The following ARHGEF17 variants were observed in gnomAD, a reference collection of about 807,000 sequenced individuals.
ARHGEF17 encodes Rho guanine nucleotide exchange factor 17.
A neutral mutation model predicts 174.0 loss-of-function variants in ARHGEF17; 80 were observed. The observed-to-expected ratio is 0.46, with a 90% CI of 0.38 to 0.55. The LOEUF (loss-of-function observed/expected upper bound fraction) is 0.55, where lower values mean the gene tolerates loss of function less well. ARHGEF17 is among the 20% of genes least tolerant of loss of function. The pLI is 0.00. For synonymous variants in ARHGEF17, 1,311 were observed against 1,189.1 expected (o/e 1.10, Z -2.11); for missense variants, 2,886 against 2,839.7 (o/e 1.02, Z -0.37).
At chr11:73,349,341 G>A (rs930673781) in intron 2 of ARHGEF17, among the ~76,000 whole-genome samples, 1 of 152,124 alleles carries the variant, frequency 6.6e-6, no homozygotes, top group Non-Finnish European at 1.5e-5. Flanking sequence ...TGAGCCAGGC[G>A]CGGAGGCTCA....
At chr11:73,355,085 G>A (rs959464390) in intron 3 of ARHGEF17, among the ~76,000 whole-genome samples, 2 of 152,250 alleles carry the variant, frequency 1.3e-5, no homozygotes, top group Non-Finnish European at 2.9e-5. Flanking sequence ...GGCGGGGCGA[G>A]ATTTGGATGA....
intron 1 of ARHGEF17, among the ~76,000 whole-genome samples, chr11:73,316,267 A>G (rs1008682177): frequency 6.6e-6 from 1 of 152,212 alleles, no homozygotes; most frequent in Non-Finnish European, 1.5e-5. Flanking sequence ...TTGATAGGGT[A>G]ATGCATTCAT....
chr11:73,328,146 A>T (rs1187051396), intron 1 of ARHGEF17, among the ~76,000 whole-genome samples: 1 of 152,130 alleles, frequency 6.6e-6, no homozygotes, highest in Non-Finnish European at 1.5e-5. Flanking sequence ...AGCCCCAGGG[A>T]TGGAGAGAAG....
intron 20 of ARHGEF17, among the ~76,000 whole-genome samples, chr11:73,366,352 T>A (rs1238198350): frequency 2.0e-5 from 3 of 152,216 alleles, no homozygotes; most frequent in Non-Finnish European, 2.9e-5. Flanking sequence ...CAGGAAGTGA[T>A]GCACAGAGCA....
rs771112527 is a variant in ARHGEF17, at chr11:73,310,708, C to T, written c.2070C>T (p.Gly690=). 2.4e-5 allele frequency: 38 copies of T among 1,613,152 alleles called. No individual in the cohort carries two copies. In the East Asian group the frequency reaches 3.6e-4, roughly 15 times the overall value. Residue 690 remains glycine (G), a synonymous_variant, in exon 1 of 21, where the codon GGC becomes GGT. Transcript: ENST00000263674. ...GCCCTGGGACTGAGGACAGTCTGGG[C>T]GGGTGGGCCCTGGTGTCGCCTGAGA... ...HHGPGTEDSL[G]GWALVSPETP...
intron 1 of ARHGEF17, among the ~76,000 whole-genome samples, chr11:73,333,079 CTTT>C (rs1337397451): frequency 1.3e-5 from 2 of 152,214 alleles, no homozygotes; most frequent in Non-Finnish European, 2.9e-5. Context: ...CTGAGCCTTG[CTTT>C]ACCCACGGAA....
At chr11:73,335,420 T>C (rs1395006165) in intron 1 of ARHGEF17, among the ~76,000 whole-genome samples, 1 of 152,168 alleles carries the variant, frequency 6.6e-6, no homozygotes, top group African/African-American at 2.4e-5. Flanking sequence ...ATCCATCTAC[T>C]TCTCAAGCCC....
intron 1 of ARHGEF17, among the ~76,000 whole-genome samples, chr11:73,314,079 C>T (rs1294406003): frequency 6.6e-6 from 1 of 152,192 alleles, no homozygotes; most frequent in African/African-American, 2.4e-5. Flanking sequence ...TGGAAGTTCT[C>T]CCATCTGCTA....
chr11:73,339,250 G>T (rs555877579), intron 1 of ARHGEF17, among the ~76,000 whole-genome samples: 2 of 152,262 alleles, frequency 1.3e-5, no homozygotes, highest in East Asian at 1.9e-4. Flanking sequence ...CACAGTGCTT[G>T]GCATCTAATA....
chr11:73,316,568 C>T (rs944523141), intron 1 of ARHGEF17, among the ~76,000 whole-genome samples: 2 of 152,172 alleles, frequency 1.3e-5, no homozygotes, highest in Non-Finnish European at 2.9e-5. Context: ...GGGAGCAGGT[C>T]AGGTGGCTGA....
chr11:73,312,861 C>G (rs886577810), intron 1 of ARHGEF17, among the ~76,000 whole-genome samples: 1 of 152,106 alleles, frequency 6.6e-6, no homozygotes, highest in Admixed American at 6.5e-5. Flanking sequence ...CCTGAGACCC[C>G]TCCTTCTACC....
At chr11:73,363,142 A>G in intron 14 of ARHGEF17, 64 bp from the exon 15 acceptor site, 1 of 1,463,914 alleles carries the variant, frequency 6.8e-7, no homozygotes, top group Non-Finnish European at 9.1e-7. Flanking sequence ...TGCATGGCCT[A>G]GAAAGATATC....
Position 73,365,668 on chromosome 11 carries a change from C to T in ARHGEF17, c.5726-10C>T. On this transcript the variant is annotated splice_polypyrimidine_tract_variant and intron_variant, in intron 19 of 20. Transcript: ENST00000263674. The surrounding 1 kb of genome is among the most constrained non-coding windows in gnomAD (Gnocchi z 4.9). Reference sequence around the variant, plus strand: ...ATTCAGCCCCAGCTGTGGTCTGTCTCCCACCCCAGGCTCGGATGCCATCAT... The same window carrying T: ...ATTCAGCCCCAGCTGTGGTCTGTCTTCCACCCCAGGCTCGGATGCCATCAT... 6.2e-7 allele frequency: 1 copy of T among 1,610,958 alleles called. No homozygotes were observed. The highest frequency in any genetic ancestry group is 1.1e-5 in the South Asian group (1 of 91,040).
chr11:73,362,411 T>A (rs772017176), intron 13 of ARHGEF17, 22 bp from the exon 14 acceptor site: 1 of 1,525,140 alleles, frequency 6.6e-7, no homozygotes, highest in African/African-American at 1.4e-5. Context: ...GCTGCTGTCA[T>A]CCTCACTCCG....
At chr11:73,331,050 G>A (rs1865195719) in intron 1 of ARHGEF17, among the ~76,000 whole-genome samples, 2 of 152,174 alleles carry the variant, frequency 1.3e-5, no homozygotes, top group South Asian at 4.1e-4. Flanking sequence ...CCATTCTTGG[G>A]GATCCTCTTC....
In ARHGEF17 at chr11:73,308,688, A is replaced by G. The variant is rs1591710617; in HGVS notation, c.50A>G (p.Lys17Arg). The change falls in exon 1 of 21, where the codon AAG (lysine) becomes AGG (arginine). Residue 17 changes from lysine (K) to arginine (R), a missense_variant. By Grantham distance (26) the Lys-to-Arg change is conservative. Transcript: ENST00000263674. ...CAGCTTTACCGCAGCGTCTCGTTCA[A>G]GCTGCTGGAGCGCTGGAGCGGCGGC... ...RPQLYRSVSF[K>R]LLERWSGGPG... The G allele has an allele frequency of 5.3e-6, 8 of 1,519,438 alleles. No homozygotes were observed. The African/African-American group carries it at 7.2e-5, about 14-fold the overall frequency. The allele number at this position is 1,519,438 out of a possible 1,614,324, so 94.1% of individuals were successfully genotyped here.
intron 1 of ARHGEF17, among the ~76,000 whole-genome samples, chr11:73,321,503 A>T (rs550890311): frequency 6.6e-6 from 1 of 152,202 alleles, no homozygotes; most frequent in Admixed American, 6.5e-5. Flanking sequence ...GGTGATATTA[A>T]CAAGTCATTG....
chr11:73,332,350 C>CGTGTGTGTGTGTGTGT (rs58725771), intron 1 of ARHGEF17, among the ~76,000 whole-genome samples: 26 of 120,746 alleles, frequency 2.2e-4, no homozygotes, highest in East Asian at 2.0e-3. Context: ...GCTTTTTCTC[C>CGTGTGTGTGTGTGTGT]GTGTGTGTGT....
At chr11:73,329,574 AT>A (rs1360259634) in intron 1 of ARHGEF17, among the ~76,000 whole-genome samples, 5 of 150,338 alleles carry the variant, frequency 3.3e-5, no homozygotes. Context: ...TAATTTTTGT[AT>A]TTTTAGTAGA....
Sources: gnomAD v4.1 joint callset for allele counts (sites outside exome capture counted in the v4.1 genomes callset) on GRCh38, gnomAD v4.1.1 for gene constraint, Gnocchi (gnomAD v3.1) non-coding constraint, MANE v1.5 for transcripts, NCBI Gene and HGNC (gene_info 2026-07-23, HGNC 2026-07-21) for gene names.